The following SLC35D4 variants were observed in gnomAD, a reference collection of about 807,000 sequenced individuals.
The protein encoded by SLC35D4 is UDP-N-acetylglucosamine transporter SLC35D4.
At chr18:23,257,219 T>C in the SLC35D4 span, 7 of 1,603,492 alleles carry the variant, frequency 4.4e-6, 1 homozygote, top group South Asian at 7.9e-5. Context: ...ATTTTCTTTT[T>C]GTTGCAGAAA....
the SLC35D4 span, among the ~76,000 whole-genome samples, chr18:23,368,536 C>G: frequency 8.6e-3 from 1,310 of 152,314 alleles, 13 homozygotes; most frequent in African/African-American, 0.03. Flanking sequence ...AGAGGCCCCT[C>G]TTGCCTGGTC....
At chr18:23,314,304 G>A in the SLC35D4 span, among the ~76,000 whole-genome samples, 1 of 152,176 alleles carries the variant, frequency 6.6e-6, no homozygotes, top group Admixed American at 6.5e-5. Flanking sequence ...CAGTGGATTG[G>A]TCTCCTGTTG....
At chr18:23,437,038 C>T in the SLC35D4 span, among the ~76,000 whole-genome samples, 1 of 152,092 alleles carries the variant, frequency 6.6e-6, no homozygotes, top group Non-Finnish European at 1.5e-5. Context: ...TGGGGCCAGC[C>T]CAGAGTCCAG....
the SLC35D4 span, among the ~76,000 whole-genome samples, chr18:23,275,555 C>T: frequency 6.6e-6 from 1 of 150,890 alleles, no homozygotes; most frequent in African/African-American, 2.4e-5. Flanking sequence ...TGGAGCGGGA[C>T]AGGTCCTCAC....
At chr18:23,367,735 A>G in the SLC35D4 span, among the ~76,000 whole-genome samples, 1 of 151,806 alleles carries the variant, frequency 6.6e-6, no homozygotes, top group Non-Finnish European at 1.5e-5. Flanking sequence ...ATGTTTGAAG[A>G]AAAACGTAAC....
the SLC35D4 span, among the ~76,000 whole-genome samples, chr18:23,402,301 A>G: frequency 6.6e-6 from 1 of 152,304 alleles, no homozygotes; most frequent in Non-Finnish European, 1.5e-5. Flanking sequence ...AAGACTCTTG[A>G]TTTATATTGT....
chr18:23,261,270 A>T, the SLC35D4 span, among the ~76,000 whole-genome samples: 1 of 152,228 alleles, frequency 6.6e-6, no homozygotes, highest in African/African-American at 2.4e-5. Flanking sequence ...TCAAGGCTGC[A>T]GTGAGCTAGG....
At chr18:23,263,755 G>A in the SLC35D4 span, among the ~76,000 whole-genome samples, 1 of 152,176 alleles carries the variant, frequency 6.6e-6, no homozygotes, top group Non-Finnish European at 1.5e-5. Flanking sequence ...TTGGCCAGGC[G>A]GTCAGTTGGC....
At chr18:23,388,852 A>C in the SLC35D4 span, among the ~76,000 whole-genome samples, 1 of 152,082 alleles carries the variant, frequency 6.6e-6, no homozygotes, top group Admixed American at 6.6e-5. Flanking sequence ...CCATGGTAAG[A>C]GGTGCTTGCT....
the SLC35D4 span, among the ~76,000 whole-genome samples, chr18:23,282,067 A>G: frequency 6.6e-6 from 1 of 152,248 alleles, no homozygotes; most frequent in African/African-American, 2.4e-5. Context: ...ATGCAAATCA[A>G]CTGGCCCAGG....
At chr18:23,383,589 G>A in the SLC35D4 span, among the ~76,000 whole-genome samples, 3 of 152,094 alleles carry the variant, frequency 2.0e-5, no homozygotes, top group Non-Finnish European at 2.9e-5. Context: ...CCAGCCCTGA[G>A]GCCTGTGGCA....
the SLC35D4 span, chr18:23,370,118 G>T: frequency 9.9e-7 from 1 of 1,005,256 alleles, no homozygotes; most frequent in Non-Finnish European, 1.4e-6. Flanking sequence ...GGTGGAGGGT[G>T]CGGTGAGCTG....
the SLC35D4 span, among the ~76,000 whole-genome samples, chr18:23,335,489 C>A: frequency 9.2e-5 from 14 of 152,152 alleles, no homozygotes; most frequent in Admixed American, 1.3e-4. Flanking sequence ...TATGTTCAGC[C>A]ACACCTTAGG....
the SLC35D4 span, among the ~76,000 whole-genome samples, chr18:23,423,436 C>A: frequency 6.6e-6 from 1 of 152,182 alleles, no homozygotes; most frequent in East Asian, 1.9e-4. Flanking sequence ...GTTGTTACAA[C>A]CGGGGGAGAG....
chr18:23,421,460 G>C, the SLC35D4 span: 2 of 1,613,542 alleles, frequency 1.2e-6, no homozygotes, highest in South Asian at 1.1e-5. Flanking sequence ...AAGGACAAGG[G>C]GCAATGTGAA....
At chr18:23,394,596 G>A in the SLC35D4 span, among the ~76,000 whole-genome samples, 1 of 152,178 alleles carries the variant, frequency 6.6e-6, no homozygotes, top group Non-Finnish European at 1.5e-5. Context: ...TCTGCTGCCT[G>A]TGCCTTTGGT....
the SLC35D4 span, among the ~76,000 whole-genome samples, chr18:23,419,369 T>C: frequency 6.6e-6 from 1 of 152,242 alleles, no homozygotes; most frequent in East Asian, 1.9e-4. Context: ...CTTGGCTCAC[T>C]GCAACCTCCG....
At chr18:23,377,717 T>C in the SLC35D4 span, 2 of 1,479,856 alleles carry the variant, frequency 1.4e-6, no homozygotes, top group Non-Finnish European at 1.8e-6. Flanking sequence ...TAAAACTTTT[T>C]AAATTCCTCT....
the SLC35D4 span, among the ~76,000 whole-genome samples, chr18:23,433,623 C>T: frequency 0.12 from 18,812 of 152,114 alleles, 1,279 homozygotes; most frequent in Middle Eastern, 0.19. Context: ...CTTTCTCCTC[C>T]CTCCCTACCT....
Sources: gnomAD v4.1 joint callset for allele counts (sites outside exome capture counted in the v4.1 genomes callset) on GRCh38, gnomAD v4.1.1 for gene constraint, MANE v1.5 for transcripts, NCBI Gene and HGNC (gene_info 2026-07-23, HGNC 2026-07-21) for gene names.